The following KALRN variants were observed in gnomAD, a reference collection of about 807,000 sequenced individuals.
The protein encoded by KALRN is kalirin RhoGEF kinase, also known as kalirin.
Under a neutral mutation model 353.7 loss-of-function variants are expected in KALRN, and 70 were observed. That is an observed-to-expected ratio of 0.20 (90% CI 0.16 to 0.24). The LOEUF (loss-of-function observed/expected upper bound fraction) is 0.24. Among genes scored for constraint, KALRN ranks in the 10% least tolerant of loss-of-function variants. The probability of loss-of-function intolerance (pLI) is 1.00; values close to 1 mark genes in which losing one functional copy is unlikely to be tolerated. For synonymous variants in KALRN, 1,391 were observed against 1,434.8 expected, an observed-to-expected ratio of 0.97 and a Z score of 0.69; for missense variants, 2,791 against 3,756.7, an observed-to-expected ratio of 0.74 and a Z score of 6.72.
Position 124,115,699 on chromosome 3 carries a change from G to A in KALRN, c.73+81886G>A, listed in dbSNP as rs904606288. ...GTACTTCTGAATGACCAGGGTTCCTGCAGGGAGGTCGAGCAACGGCAGCTT... is the reference window on the plus strand; with the variant it reads ...GTACTTCTGAATGACCAGGGTTCCTACAGGGAGGTCGAGCAACGGCAGCTT... On this transcript the variant is annotated intron_variant, in intron 1 of 59. Coordinates refer to ENST00000682506, the MANE Select transcript of KALRN (RefSeq NM_001388419.1). Among the ~76,000 whole-genome samples the A allele has an allele frequency of 1.1e-4, 16 of 152,148 alleles. 1 individual carries two copies. The highest frequency in any genetic ancestry group is 3.4e-4 in the African/African-American group (14 of 41,432).
intron 11 of KALRN, among the ~76,000 whole-genome samples, chr3:124,387,238 G>A (rs1199140294): frequency 6.6e-6 from 1 of 152,182 alleles, no homozygotes; most frequent in East Asian, 1.9e-4. Context: ...GCTAAGCTTG[G>A]TCGTGTTTGA....
chr3:124,542,934 T>C lies in KALRN; in HGVS notation c.4936-19909T>C, dbSNP rs2069194767. 2.0e-5 allele frequency among the ~76,000 whole-genome samples: 3 copies of C among 152,172 alleles called. No individual in the cohort carries two copies. In the South Asian group the frequency reaches 6.2e-4, roughly 32 times the overall value. On this transcript the variant is annotated intron_variant, in intron 33 of 59. Transcript: ENST00000682506. ...TGGCCCAGGGTTTCTTGTGAGGCGGTAGTCAAGGTGTTGCTTGGAGCTGCA... is the reference window on the plus strand; with the variant it reads ...TGGCCCAGGGTTTCTTGTGAGGCGGCAGTCAAGGTGTTGCTTGGAGCTGCA...
intron 1 of KALRN, chr3:124,096,207 T>C (rs2061436385): frequency 6.6e-6 from 1 of 152,260 alleles, no homozygotes; most frequent in Non-Finnish European, 1.5e-5. Context: ...CCTCTCTGTA[T>C]CTTCTTTCCT....
chr3:124,627,645 C>G (rs1239895602), intron 34 of KALRN, among the ~76,000 whole-genome samples: 1 of 152,160 alleles, frequency 6.6e-6, no homozygotes, highest in Non-Finnish European at 1.5e-5. Context: ...TCACAGGGGT[C>G]TAGTGAATGA....
chr3:124,044,278 G>C (rs962905406), intron 1 of KALRN, among the ~76,000 whole-genome samples: 1 of 152,152 alleles, frequency 6.6e-6, no homozygotes, highest in African/African-American at 2.4e-5. Flanking sequence ...GGCTGTTGCT[G>C]CCACCAAAGG....
At chr3:124,129,265 A>G (rs896435471) in intron 1 of KALRN, among the ~76,000 whole-genome samples, 11 of 152,074 alleles carry the variant, frequency 7.2e-5, no homozygotes, top group Non-Finnish European at 1.0e-4. Context: ...CACAGATCCC[A>G]AGGGTCCCAT....
chr3:124,694,441 G>C lies in KALRN; in HGVS notation c.7515G>C (p.Lys2505Asn). The change falls in exon 53 of 60, where the codon AAG (lysine) becomes AAC (asparagine). Residue 2505 changes from lysine to asparagine, a missense_variant. Lys to Asn is a moderately conservative substitution (Grantham distance 94). Transcript: ENST00000682506. ...GGCCAAAGCCCACCATCACTTGGAAGGGTCCAGACCAGAACATCCTTGACA... is the reference window on the plus strand; with the variant it reads ...GGCCAAAGCCCACCATCACTTGGAACGGTCCAGACCAGAACATCCTTGACA... Reference protein sequence around the residue: ...CGRPKPTITWKGPDQNILDTD... With the variant: ...CGRPKPTITWNGPDQNILDTD... 1 of 1,614,212 alleles carries C rather than the reference G, an allele frequency of 6.2e-7. No homozygotes were observed. The highest frequency in any genetic ancestry group is 2.2e-5 in the East Asian group (1 of 44,890).
chr3:124,274,206 A>G (rs955493700), intron 5 of KALRN, among the ~76,000 whole-genome samples: 2 of 152,176 alleles, frequency 1.3e-5, no homozygotes, highest in African/African-American at 2.4e-5. Context: ...TGAAGTCCAC[A>G]CGTCTACCTC....
intron 11 of KALRN, among the ~76,000 whole-genome samples, chr3:124,386,815 T>C (rs1208588233): frequency 1.3e-5 from 2 of 152,242 alleles, no homozygotes; most frequent in African/African-American, 4.8e-5. Flanking sequence ...ATATATTACA[T>C]GAGTTTTTTA....
Position 124,084,678 on chromosome 3 carries a change from T to A in KALRN, c.73+50865T>A, listed in dbSNP as rs181681103. On this transcript the variant is annotated intron_variant, in intron 1 of 59. Transcript: ENST00000682506. ...AGTTACAACACGTGAAGTTCTGGGA[T>A]TTTTTTGGCTTTGGCTTCTTTTTTC... 3.2e-4 allele frequency among the ~76,000 whole-genome samples: 48 copies of A among 152,320 alleles called. 1 individual carries two copies. Among genetic ancestry groups the A allele is most frequent in the Admixed American group, 3.1e-3 (47 of 15,300 alleles).
intron 6 of KALRN, among the ~76,000 whole-genome samples, chr3:124,303,043 A>G (rs2077393289): frequency 6.6e-6 from 1 of 152,202 alleles, no homozygotes; most frequent in Admixed American, 6.5e-5. Flanking sequence ...TTCAGTCTGT[A>G]ATAAAAAGAA....
At position 124,354,607 on chromosome 3, in the gene KALRN, CA is replaced by C. The variant is rs1265561642; in HGVS notation, c.1770+7348del. Among the ~76,000 whole-genome samples the C allele has an allele frequency of 2.0e-5, 3 of 152,100 alleles. No homozygotes were observed. In the East Asian group the frequency reaches 5.8e-4, roughly 29 times the overall value. ...AATGTGCTTAGATAACCTTAGGTTT[CA>C]AAAAATACCAAGAATACAGGTTGCA... On this transcript the variant is annotated intron_variant, in intron 10 of 59. Transcript: ENST00000682506.
chr3:124,456,409 A>G (rs964093697), intron 22 of KALRN, among the ~76,000 whole-genome samples: 1 of 151,546 alleles, frequency 6.6e-6, no homozygotes, highest in Non-Finnish European at 1.5e-5. Context: ...TTTGACCTGA[A>G]CATTTTATTT....
At chr3:124,401,113 CA>C (rs1401768084) in intron 13 of KALRN, among the ~76,000 whole-genome samples, 1 of 152,120 alleles carries the variant, frequency 6.6e-6, no homozygotes, top group Non-Finnish European at 1.5e-5. Context: ...AAAAACAATC[CA>C]AAGCATATGG....
At chr3:124,303,394 G>C (rs763423963) in intron 6 of KALRN, among the ~76,000 whole-genome samples, 1 of 152,002 alleles carries the variant, frequency 6.6e-6, no homozygotes, top group Non-Finnish European at 1.5e-5. Context: ...GAGCTCTCTG[G>C]GGCCTTCCTC....
intron 1 of KALRN, among the ~76,000 whole-genome samples, chr3:124,222,592 T>C (rs1349244861): frequency 2.0e-5 from 3 of 152,034 alleles, no homozygotes; most frequent in Non-Finnish European, 4.4e-5. Context: ...ATCAGCTGGG[T>C]TTTTTTGTGT....
chr3:124,306,467 A>C (rs536439376), intron 6 of KALRN, among the ~76,000 whole-genome samples: 1 of 152,288 alleles, frequency 6.6e-6, no homozygotes, highest in South Asian at 2.1e-4. Context: ...GAATGAGGAC[A>C]AATGTACAGA....
rs1280186140 is a variant in KALRN, at chr3:124,298,900, C to T, written c.1079C>T (p.Ala360Val). ...CTCCAGACGCAGCACAATCACTTTG[C>T]CATGAACTCCATGGTGAGCTGAGGG... ...LDLQTQHNHF[A>V]MNSMNAYVNI... Residue 360 changes from alanine (A) to valine (V), a missense_variant, in exon 6 of 60, where the codon GCC becomes GTC. Ala to Val is a moderately conservative substitution (Grantham distance 64, BLOSUM62 0). Transcript: ENST00000682506. The T allele has an allele frequency of 6.2e-7, 1 of 1,614,136 alleles. No homozygotes were observed. Among genetic ancestry groups the T allele is most frequent in the South Asian group, 1.1e-5 (1 of 91,082 alleles).
At chr3:124,240,431 C>T (rs531189205) in intron 3 of KALRN, among the ~76,000 whole-genome samples, 1 of 152,312 alleles carries the variant, frequency 6.6e-6, no homozygotes, top group Non-Finnish European at 1.5e-5. Context: ...TTGGATCCCT[C>T]AGGCATTGCA....
Sources: allele counts gnomAD v4.1 joint callset (sites outside exome capture counted in the v4.1 genomes callset), GRCh38; gene constraint gnomAD v4.1.1; transcripts MANE v1.5; gene names NCBI Gene and HGNC (gene_info 2026-07-23, HGNC 2026-07-21).